The following CRBN variants were observed in gnomAD, a reference collection of about 807,000 sequenced individuals.
CRBN encodes cereblon, also known as protein cereblon.
In CRBN, 53 loss-of-function variants were observed where a neutral mutation model predicts 62.2. The ratio of observed to expected loss-of-function variants is 0.85; its 90% CI spans 0.68 to 1.07. CRBN has a LOEUF of 1.07. Ranked by LOEUF, CRBN falls within the 50% of genes least tolerant of loss-of-function variation. The probability of loss-of-function intolerance (pLI) is 0.00; values close to 1 mark genes in which losing one functional copy is unlikely to be tolerated. For missense variants in CRBN, 616 were observed against 531.1 expected (o/e 1.16, Z -1.57); for synonymous variants, 208 against 176.1 (o/e 1.18, Z -1.43).
intron 1 of CRBN, among the ~76,000 whole-genome samples, chr3:3,176,408 T>C (rs1052251719): frequency 3.9e-5 from 6 of 152,136 alleles, no homozygotes; most frequent in Non-Finnish European, 7.4e-5. Flanking sequence ...AGCATTTTTC[T>C]AGTGACAACA....
intron 3 of CRBN, 200 bp downstream of exon 3, chr3:3,173,859 G>C (rs901365899): frequency 3.3e-5 from 20 of 601,048 alleles, no homozygotes; most frequent in Admixed American, 8.4e-5. Context: ...AAGGTGAAGA[G>C]CTGAGTTAGA....
upstream of CRBN, chr3:3,179,708 G>A (rs1229536246): frequency 7.5e-6 from 12 of 1,610,664 alleles, no homozygotes; most frequent in Middle Eastern, 1.7e-4. Flanking sequence ...CCGCAAAGGA[G>A]GCTGGGACAG....
At chr3:3,162,745 A>G (rs1310483665) in intron 5 of CRBN, among the ~76,000 whole-genome samples, 1 of 152,208 alleles carries the variant, frequency 6.6e-6, no homozygotes, top group Non-Finnish European at 1.5e-5. Context: ...TATTAGCTTG[A>G]GTTAGCTTAG....
chr3:3,172,911 C>T lies in CRBN; in HGVS notation c.392G>A (p.Arg131Lys). ...AVLAYSNVQE[R>K]EAQFGTTAEI... ...TGCTGTTGTTCCAAACTGTGCTTCC[C>T]TTTCCTGTACATTGCTTCCAAGAAA... is the stretch of plus-strand genomic sequence containing the variant. The change falls in exon 4 of 11, where the codon AGG becomes AAG. Residue 131 changes from arginine (R) to lysine (K), a missense_variant. Coordinates refer to ENST00000231948, the MANE Select transcript of CRBN (RefSeq NM_016302.4). The T allele has an allele frequency of 1.9e-6, 3 of 1,613,780 alleles. No homozygotes were observed. The South Asian group carries it at 3.3e-5, about 18-fold the overall frequency.
chr3:3,167,526 A>T, intron 5 of CRBN, 108 bp downstream of exon 5: 1 of 1,080,556 alleles, frequency 9.3e-7, no homozygotes, highest in East Asian at 2.4e-5. Context: ...ATATTGCCAT[A>T]CAAGGTGGCT....
rs2126046889 is a variant in CRBN, at chr3:3,150,820, G to GAATA, written c.*41_*44dup. On this transcript the variant is annotated 3_prime_UTR_variant, in exon 11 of 11. Coordinates refer to ENST00000231948, the MANE Select transcript of CRBN (RefSeq NM_016302.4). ...GCAATAATTTCCAAAGCAGATCTTA[G>GAATA]AATATAACCAATTTGTTAGATAACT... 6.4e-7 allele frequency: 1 copy of GAATA among 1,564,374 alleles called. No individual in the cohort carries two copies.
At chr3:3,162,279 T>TA (rs1336739547) in intron 5 of CRBN, among the ~76,000 whole-genome samples, 3 of 152,214 alleles carry the variant, frequency 2.0e-5, no homozygotes, top group African/African-American at 7.2e-5. Context: ...TAGAAACATT[T>TA]AAGTCATACT....
In CRBN at chr3:3,156,383, C is replaced by G; in HGVS notation, c.688-102G>C. 12 of 1,042,338 alleles carry G rather than the reference C, an allele frequency of 1.2e-5. No homozygotes were observed. The Admixed American group carries it at 2.3e-4, about 20-fold the overall frequency. The allele number at this position is 1,042,338 out of a possible 1,614,324, so 64.6% of individuals were successfully genotyped here. ...AAATGATTTTGGCCTAGGAAAACATCTAATTTTAAAAAGATAAAAAATTTT... is the reference window on the plus strand; with the variant it reads ...AAATGATTTTGGCCTAGGAAAACATGTAATTTTAAAAAGATAAAAAATTTT... On this transcript the variant is annotated intron_variant, in intron 5 of 10. Transcript: ENST00000231948.
At chr3:3,178,789 G>C (rs73009149) in intron 1 of CRBN, among the ~76,000 whole-genome samples, 18,903 of 152,106 alleles carry the variant, frequency 0.12, 1,306 homozygotes, top group Admixed American at 0.17. Flanking sequence ...GTCATATAAC[G>C]AAGGGACTCA....
At position 3,151,058 on chromosome 3, in the gene CRBN, G is replaced by A. The variant is rs1219224389; in HGVS notation, c.1149-13C>T. Reference sequence around the variant, plus strand: ...AGTCCAGGCATACCTAAGAAATTAAGGAAAGATATCAGCTAAGGAAACATT... The same window carrying A: ...AGTCCAGGCATACCTAAGAAATTAAAGAAAGATATCAGCTAAGGAAACATT... On this transcript the variant is annotated splice_polypyrimidine_tract_variant and intron_variant, in intron 10 of 10. Coordinates refer to ENST00000231948, the MANE Select transcript of CRBN (RefSeq NM_016302.4). 2 of 1,613,378 alleles carry A rather than the reference G, an allele frequency of 1.2e-6. No individual in the cohort carries two copies. The highest frequency in any genetic ancestry group is 2.2e-5 in the East Asian group (1 of 44,856).
chr3:3,154,441 T>C, intron 7 of CRBN: 1 of 464,936 alleles, frequency 2.2e-6, no homozygotes, highest in Non-Finnish European at 3.9e-6. Flanking sequence ...TAAAGGCACC[T>C]TGAAGAACAG....
chr3:3,169,066 C>T (rs1349303197), intron 4 of CRBN, among the ~76,000 whole-genome samples: 1 of 152,118 alleles, frequency 6.6e-6, no homozygotes, highest in African/African-American at 2.4e-5. Context: ...TTATAGGTAA[C>T]TGAATTAAGA....
rs148261067 is a variant in CRBN, at chr3:3,156,451, A to C, written c.688-170T>G. On this transcript the variant is annotated intron_variant, in intron 5 of 10. Coordinates refer to ENST00000231948, the MANE Select transcript of CRBN (RefSeq NM_016302.4). ...GTGACTATCTATGAAGTGTGAAATC[A>C]TGCTTCCTATATCCTTCAAATATAT... 697 of 627,122 alleles carry C rather than the reference A, an allele frequency of 1.1e-3. 3 individuals carry two copies. Among genetic ancestry groups the C allele is most frequent in the Non-Finnish European group, 1.8e-3 (638 of 352,230 alleles). 38.8% of individuals were successfully genotyped at this position (627,122 alleles called of 1,614,324 possible).
chr3:3,177,375 TTTA>T (rs1173228067), intron 1 of CRBN, among the ~76,000 whole-genome samples: 1 of 152,234 alleles, frequency 6.6e-6, no homozygotes. Context: ...GGACTTTCTA[TTTA>T]TTATTACAAC....
chr3:3,158,036 T>A (rs993933378), intron 5 of CRBN, among the ~76,000 whole-genome samples: 3 of 152,192 alleles, frequency 2.0e-5, no homozygotes, highest in Non-Finnish European at 4.4e-5. Flanking sequence ...TCTGGCTTAA[T>A]ATAATCCTTA....
At chr3:3,161,126 C>T (rs1559248153) in intron 5 of CRBN, among the ~76,000 whole-genome samples, 2 of 151,996 alleles carry the variant, frequency 1.3e-5, no homozygotes, top group East Asian at 1.9e-4. Flanking sequence ...AGAACAACAA[C>T]AAAAAAACAG....
In CRBN at chr3:3,150,585, G is replaced by A. The variant is rs1575075076; in HGVS notation, c.*280C>T. On this transcript the variant is annotated 3_prime_UTR_variant, in exon 11 of 11. Transcript: ENST00000231948. ...AAAGATGTCTTCATGTCCCATCAATGACATGCTACCAGACATATCAGATTC... is the reference window on the plus strand; with the variant it reads ...AAAGATGTCTTCATGTCCCATCAATAACATGCTACCAGACATATCAGATTC... 3.4e-6 allele frequency: 1 copy of A among 295,130 alleles called. No individual in the cohort carries two copies. Among genetic ancestry groups the A allele is most frequent in the South Asian group, 4.1e-5 (1 of 24,208 alleles). 18.3% of individuals were successfully genotyped at this position (295,130 alleles called of 1,614,324 possible).
intron 6 of CRBN, 186 bp downstream of exon 6, chr3:3,156,033 G>C: frequency 1.7e-6 from 1 of 587,416 alleles, no homozygotes; most frequent in Non-Finnish European, 3.1e-6. Context: ...TGAATGCCTG[G>C]CTTCAAGCAA....
intron 5 of CRBN, among the ~76,000 whole-genome samples, chr3:3,164,475 G>A (rs1363005393): frequency 6.6e-6 from 1 of 152,166 alleles, no homozygotes; most frequent in Admixed American, 6.5e-5. Flanking sequence ...TCTCCTTTCA[G>A]GGGCTAATAG....
Sources: gnomAD v4.1 joint callset for allele counts (sites outside exome capture counted in the v4.1 genomes callset) on GRCh38, gnomAD v4.1.1 for gene constraint, MANE v1.5 for transcripts, NCBI Gene and HGNC (gene_info 2026-07-23, HGNC 2026-07-21) for gene names.